Variants in VPS8 observed in about 807,000 individuals in gnomAD.
VPS8 encodes the protein vacuolar protein sorting-associated protein 8 homolog.
A neutral mutation model predicts 216.4 loss-of-function variants in VPS8; 129 were observed. The observed-to-expected ratio is 0.60, with a 90% CI of 0.52 to 0.69. The LOEUF (loss-of-function observed/expected upper bound fraction) is 0.69. Among genes scored for constraint, VPS8 ranks in the 30% least tolerant of loss-of-function variants. The pLI is 0.00. For missense variants in VPS8, 1,531 were observed against 1,683.5 expected (o/e 0.91, Z 1.59); for synonymous variants, 571 against 565.4 (o/e 1.01, Z -0.14).
chr3:185,032,734 C>A (rs1367508374), intron 46 of VPS8, among the ~76,000 whole-genome samples: 1 of 152,036 alleles, frequency 6.6e-6, no homozygotes, highest in Non-Finnish European at 1.5e-5. Context: ...GGCGCAATCT[C>A]GGCTTACTGC....
intron 46 of VPS8, among the ~76,000 whole-genome samples, chr3:185,028,490 T>A (rs1757688909): frequency 6.6e-6 from 1 of 152,128 alleles, no homozygotes; most frequent in Non-Finnish European, 1.5e-5. Context: ...CCCCAGTCTG[T>A]GAAGTTTGCT....
intron 37 of VPS8, among the ~76,000 whole-genome samples, chr3:184,959,877 T>C: frequency 6.6e-6 from 1 of 152,136 alleles, no homozygotes; most frequent in Non-Finnish European, 1.5e-5. Context: ...CTAGTATACA[T>C]GTGCACAACG....
At position 184,843,269 on chromosome 3, in the gene VPS8, CATGA is replaced by C. The variant is rs762545801; in HGVS notation, c.541+28_541+31del. ...AGGTATAGTAAGTAATTTTAGTTTG[CATGA>C]ATGGTTTCTTTTGGTCTTTTTAATG... On this transcript the variant is annotated intron_variant, in intron 8 of 47. Transcript: ENST00000625842. 7 of 1,382,628 alleles carry C rather than the reference CATGA, an allele frequency of 5.1e-6. 1 individual carries two copies. In the South Asian group the frequency reaches 1.1e-4, roughly 23 times the overall value. The allele number at this position is 1,382,628 out of a possible 1,614,324, so 85.6% of individuals were successfully genotyped here.
At chr3:184,934,436 G>T (rs1163020173) in intron 34 of VPS8, among the ~76,000 whole-genome samples, 1 of 152,046 alleles carries the variant, frequency 6.6e-6, no homozygotes, top group East Asian at 1.9e-4. Context: ...CTCCCAAAGT[G>T]CTAGGATTAC....
At chr3:185,046,547 G>C (rs1712958948) in intron 46 of VPS8, among the ~76,000 whole-genome samples, 1 of 152,130 alleles carries the variant, frequency 6.6e-6, no homozygotes, top group African/African-American at 2.4e-5. Context: ...AGGTTATACA[G>C]GGAGCTGGTA....
At chr3:185,040,145 C>T (rs1417940275) in intron 46 of VPS8, among the ~76,000 whole-genome samples, 4 of 152,152 alleles carry the variant, frequency 2.6e-5, no homozygotes, top group African/African-American at 4.8e-5. Context: ...AGGGATCCAC[C>T]TCCATAGCAC....
chr3:184,887,192 A>T (rs897144669), intron 22 of VPS8, among the ~76,000 whole-genome samples: 4 of 152,044 alleles, frequency 2.6e-5, no homozygotes, highest in South Asian at 2.1e-4. Flanking sequence ...GTAAATTTTT[A>T]AAAAATTAGT....
Position 184,870,703 on chromosome 3 carries a change from G to T in VPS8, c.1645-13G>T, listed in dbSNP as rs1728176623. The stretch of plus-strand genomic sequence containing the variant: ...TATATTTTAATGTCTATGCCAGGCT[G>T]TTTTCCTTACAGATGGTAGAAATCC... On this transcript the variant is annotated splice_polypyrimidine_tract_variant and intron_variant, in intron 20 of 47. Transcript: ENST00000625842. 1 of 1,603,614 alleles carries T rather than the reference G, an allele frequency of 6.2e-7. No individual in the cohort carries two copies. Among genetic ancestry groups the T allele is most frequent in the African/African-American group, 1.3e-5 (1 of 74,656 alleles).
chr3:185,048,477 A>C lies in VPS8; in HGVS notation c.4057-2A>C. 6.2e-7 allele frequency: 1 copy of C among 1,613,944 alleles called. No individual in the cohort carries two copies. Among genetic ancestry groups the C allele is most frequent in the East Asian group, 2.2e-5 (1 of 44,888 alleles). On this transcript the variant is annotated splice_acceptor_variant, in intron 46 of 47. Transcript: ENST00000625842. LOFTEE classifies it high-confidence loss of function. The stretch of plus-strand genomic sequence containing the variant: ...TTAATCGTATCGGTTTTTATTTTTC[A>C]GGGAACCTCAGAACCTGTTCTGGAT...
At chr3:184,961,684 A>G (rs996350113) in intron 37 of VPS8, among the ~76,000 whole-genome samples, 5 of 146,476 alleles carry the variant, frequency 3.4e-5, no homozygotes, top group African/African-American at 1.2e-4. Context: ...TAAAATTTCT[A>G]TTAATATCAT....
intron 16 of VPS8, among the ~76,000 whole-genome samples, chr3:184,864,363 G>T (rs1726946671): frequency 6.6e-6 from 1 of 152,180 alleles, no homozygotes; most frequent in Non-Finnish European, 1.5e-5. Flanking sequence ...ACAGAGCCAA[G>T]TTGCAGGAAG....
chr3:184,816,721 A>G (rs1443884471), intron 1 of VPS8, among the ~76,000 whole-genome samples: 1 of 152,198 alleles, frequency 6.6e-6, no homozygotes, highest in Non-Finnish European at 1.5e-5. Context: ...CCATACGGCC[A>G]GATCTTGTTT....
rs77566527 is a variant in VPS8, at chr3:184,837,015, C to T, written c.448-1699C>T. On this transcript the variant is annotated intron_variant, in intron 5 of 47. Transcript: ENST00000625842. Reference sequence around the variant, plus strand: ...TAGTGTAGTGTTTTTTTTCAAAATGCGTCCACTGTATAAGAATCTCCTAGG... The same window carrying T: ...TAGTGTAGTGTTTTTTTTCAAAATGTGTCCACTGTATAAGAATCTCCTAGG... 4.4e-3 allele frequency among the ~76,000 whole-genome samples: 671 copies of T among 151,544 alleles called. 7 individuals carry two copies. Among genetic ancestry groups the T allele is most frequent in the African/African-American group, 0.015 (627 of 41,326 alleles).
intron 42 of VPS8, among the ~76,000 whole-genome samples, chr3:184,984,030 A>G (rs1750643332): frequency 6.7e-6 from 1 of 149,346 alleles, no homozygotes; most frequent in African/African-American, 2.5e-5. Context: ...TAAAAATACA[A>G]AAAAATAGCC....
chr3:184,893,226 C>T (rs1732713345), intron 22 of VPS8: 2 of 1,272,398 alleles, frequency 1.6e-6, no homozygotes, highest in Non-Finnish European at 2.0e-6. Context: ...CCATCTGTCC[C>T]CTTCCAGGAC....
intron 45 of VPS8, among the ~76,000 whole-genome samples, chr3:185,003,172 A>C (rs1243818701): frequency 5.8e-5 from 2 of 34,388 alleles, no homozygotes; most frequent in Admixed American, 5.5e-4. Context: ...TTTTTTTTTT[A>C]ATTGATCATT....
intron 46 of VPS8, among the ~76,000 whole-genome samples, chr3:185,044,581 A>G (rs1266223089): frequency 1.3e-5 from 2 of 151,680 alleles, no homozygotes; most frequent in African/African-American, 4.9e-5. Flanking sequence ...GTTTCTTTTT[A>G]ATTGTGGTAT....
chr3:184,845,553 A>G (rs1226421272), intron 8 of VPS8, among the ~76,000 whole-genome samples: 2 of 152,118 alleles, frequency 1.3e-5, no homozygotes, highest in African/African-American at 2.4e-5. Context: ...TAAGGTCGGG[A>G]GTTCGAGACC....
At chr3:185,010,383 C>A (rs956277434) in intron 45 of VPS8, among the ~76,000 whole-genome samples, 5 of 152,046 alleles carry the variant, frequency 3.3e-5, no homozygotes. Context: ...CAGGAAAATA[C>A]AAGCCATGAT....
Sources: gnomAD v4.1 joint callset for allele counts (sites outside exome capture counted in the v4.1 genomes callset) on GRCh38, gnomAD v4.1.1 for gene constraint, MANE v1.5 for transcripts, NCBI Gene and HGNC (gene_info 2026-07-23, HGNC 2026-07-21) for gene names.